TMEM161B: variants seen among roughly 807,000 people sequenced by gnomAD.
The protein encoded by TMEM161B is transmembrane protein 161B.
In TMEM161B, 34 loss-of-function variants were observed where a neutral mutation model predicts 61.8. The observed-to-expected ratio is 0.55, with a 90% CI of 0.42 to 0.73. The LOEUF (loss-of-function observed/expected upper bound fraction) is 0.73, where lower values mean the gene tolerates loss of function less well. Among genes scored for constraint, TMEM161B ranks in the 30% least tolerant of loss-of-function variants. The pLI is 0.00. For synonymous variants in TMEM161B, 167 were observed against 192.8 expected, an observed-to-expected ratio of 0.87 and a Z score of 1.11; for missense variants, 456 against 558.5, an observed-to-expected ratio of 0.82 and a Z score of 1.85.
chr5:88,214,413 C>T (rs1747434937), intron 5 of TMEM161B, among the ~76,000 whole-genome samples: 1 of 151,868 alleles, frequency 6.6e-6, no homozygotes, highest in Admixed American at 6.6e-5. Flanking sequence ...CTCAGTATTA[C>T]TCTCTGTGCT....
chr5:88,259,802 A>G (rs1373378964), intron 1 of TMEM161B, among the ~76,000 whole-genome samples: 3 of 152,258 alleles, frequency 2.0e-5, no homozygotes, highest in African/African-American at 7.2e-5. Context: ...TTCTAAAAAT[A>G]TCGTTACTAA....
At chr5:88,204,769 AG>A (rs1561314862) in intron 8 of TMEM161B, among the ~76,000 whole-genome samples, 1 of 151,812 alleles carries the variant, frequency 6.6e-6, no homozygotes, top group East Asian at 1.9e-4. Flanking sequence ...AAAAAAGAAG[AG>A]GGATGAAGGA....
intron 1 of TMEM161B, among the ~76,000 whole-genome samples, chr5:88,243,296 T>G (rs1753039068): frequency 6.6e-6 from 1 of 151,804 alleles, no homozygotes; most frequent in Non-Finnish European, 1.5e-5. Context: ...TGTGTTAATG[T>G]GTACTCAGTG....
At position 88,196,219 on chromosome 5, in the gene TMEM161B, C is replaced by T; in HGVS notation, c.1456G>A (p.Val486Met). ...FGLFYHQYLT[V>M]A is the part of the protein sequence containing the mutation. ...TTTTTGTTAACTGAGATTCATGCCA[C>T]AGTCAGATACTGGTGATAGAAAAGC... The change falls in exon 12 of 12, where the codon GTG becomes ATG. Residue 486 changes from valine (V) to methionine (M), a missense_variant. Val to Met is a conservative substitution (Grantham distance 21). Coordinates refer to ENST00000296595, the MANE Select transcript of TMEM161B (RefSeq NM_153354.5). 6.2e-7 allele frequency: 1 copy of T among 1,603,076 alleles called. No individual in the cohort carries two copies. The highest frequency in any genetic ancestry group is 1.1e-5 in the South Asian group (1 of 89,248).
At chr5:88,205,683 G>A (rs1237943129) in intron 8 of TMEM161B, 131 bp downstream of exon 8, 1 of 1,002,850 alleles carries the variant, frequency 1.0e-6, no homozygotes, top group African/African-American at 1.7e-5. Flanking sequence ...AGTTGAAAGA[G>A]GAAGTAGTGT....
intron 9 of TMEM161B, 49 bp from the exon 10 acceptor site, chr5:88,199,199 A>G (rs1446326524): frequency 6.5e-7 from 1 of 1,531,650 alleles, no homozygotes; most frequent in African/African-American, 1.4e-5. Flanking sequence ...ACAATATGCT[A>G]GCATGCTCGT....
Position 88,196,385 on chromosome 5 carries a change from C to T in TMEM161B, c.1290G>A (p.Gly430=). ...SVYSELPSAE[G]KMKVTVTQIT... ...TTTGTGTAACAGTTACCTTCATTTT[C>T]CCTTCAGCTGATGGTAATTCAGAGT... Residue 430 remains glycine (G), a synonymous_variant, in exon 12 of 12, where the codon GGG becomes GGA. Coordinates refer to ENST00000296595, the MANE Select transcript of TMEM161B (RefSeq NM_153354.5). 1 of 1,613,376 alleles carries T rather than the reference C, an allele frequency of 6.2e-7. No individual in the cohort carries two copies.
At chr5:88,223,212 T>A (rs1749335946) in intron 4 of TMEM161B, among the ~76,000 whole-genome samples, 1 of 151,728 alleles carries the variant, frequency 6.6e-6, no homozygotes, top group Non-Finnish European at 1.5e-5. Flanking sequence ...CTGTCCATGT[T>A]ATTCAACTCT....
At chr5:88,240,949 A>G (rs2112657021) in intron 1 of TMEM161B, 33 bp from the exon 2 acceptor site, 1 of 1,447,184 alleles carries the variant, frequency 6.9e-7, no homozygotes, top group South Asian at 1.4e-5. Context: ...TTTAATAATG[A>G]ATGATTTTGG....
chr5:88,229,571 T>C (rs555950566), intron 2 of TMEM161B, among the ~76,000 whole-genome samples: 3 of 151,162 alleles, frequency 2.0e-5, no homozygotes, highest in Admixed American at 6.6e-5. Context: ...GACCCATGCC[T>C]GTTTAAATCA....
At chr5:88,220,450 G>T in intron 5 of TMEM161B, 113 bp downstream of exon 5, 1 of 881,124 alleles carries the variant, frequency 1.1e-6, no homozygotes, top group Admixed American at 4.0e-5. Context: ...ACATAAAAAA[G>T]ATTTCAATAA....
chr5:88,201,264 AG>A (rs1744357974), intron 9 of TMEM161B: 1 of 152,056 alleles, frequency 6.6e-6, no homozygotes, highest in Non-Finnish European at 1.5e-5. Context: ...TATACACACA[AG>A]GGAAAAGTTC....
chr5:88,223,857 C>G (rs1749482235), intron 4 of TMEM161B, among the ~76,000 whole-genome samples: 1 of 151,744 alleles, frequency 6.6e-6, no homozygotes, highest in Non-Finnish European at 1.5e-5. Context: ...CCACTGCACT[C>G]CAGCCTGGGT....
At chr5:88,241,341 G>C (rs1466321494) in intron 1 of TMEM161B, among the ~76,000 whole-genome samples, 1 of 151,616 alleles carries the variant, frequency 6.6e-6, no homozygotes, top group Non-Finnish European at 1.5e-5. Context: ...TAGACACTGA[G>C]GGACAACTGT....
At chr5:88,244,958 G>GTT (rs1753370598) in intron 1 of TMEM161B, among the ~76,000 whole-genome samples, 1 of 151,770 alleles carries the variant, frequency 6.6e-6, no homozygotes, top group Non-Finnish European at 1.5e-5. Context: ...TTGATGTATA[G>GTT]GAATGCTACT....
intron 4 of TMEM161B, chr5:88,221,634 T>C (rs1749003935): frequency 4.4e-6 from 2 of 451,660 alleles, no homozygotes; most frequent in Admixed American, 2.4e-5. Flanking sequence ...GAGTTTACAT[T>C]GAAATTAACA....
chr5:88,264,893 T>C (rs1439828096), intron 1 of TMEM161B, among the ~76,000 whole-genome samples: 2 of 144,258 alleles, frequency 1.4e-5, no homozygotes, highest in Non-Finnish European at 3.0e-5. Flanking sequence ...TGAGAACACA[T>C]GGACACAGAG....
downstream of TMEM161B, among the ~76,000 whole-genome samples, chr5:88,192,012 A>ATATATATGTATATATATATG (rs1561287418): frequency 1.4e-4 from 13 of 93,988 alleles, no homozygotes; most frequent in African/African-American, 5.3e-4. Context: ...ATATATATAT[A>ATATATATGTATATATATATG]TATATATATA....
chr5:88,265,984 T>C (rs1756325493), intron 1 of TMEM161B, among the ~76,000 whole-genome samples: 1 of 152,260 alleles, frequency 6.6e-6, no homozygotes, highest in Non-Finnish European at 1.5e-5. Context: ...AGTTGGTCTG[T>C]AATTTTCAAA....
Sources: gnomAD v4.1 joint callset for allele counts (sites outside exome capture counted in the v4.1 genomes callset) on GRCh38, gnomAD v4.1.1 for gene constraint, MANE v1.5 for transcripts, NCBI Gene and HGNC (gene_info 2026-07-23, HGNC 2026-07-21) for gene names.